Variants in DPH6 observed in about 807,000 individuals in gnomAD.
The protein encoded by DPH6 is diphthamine biosynthesis 6.
In DPH6, 33 loss-of-function variants were observed where a neutral mutation model predicts 38.2. The observed-to-expected ratio is 0.86, with a 90% CI of 0.65 to 1.15. The LOEUF is 1.15. Among genes scored for constraint, DPH6 ranks in the 50% most tolerant of loss-of-function variants. The probability of loss-of-function intolerance (pLI) is 0.00; values close to 1 mark genes in which losing one functional copy is unlikely to be tolerated. For missense variants in DPH6, 325 were observed against 320.0 expected, an observed-to-expected ratio of 1.02 and a Z score of -0.12; for synonymous variants, 108 against 103.0, an observed-to-expected ratio of 1.05 and a Z score of -0.30.
intron 4 of DPH6, among the ~76,000 whole-genome samples, chr15:35,451,882 C>T (rs947828214): frequency 2.0e-5 from 3 of 152,088 alleles, no homozygotes; most frequent in African/African-American, 7.2e-5. Flanking sequence ...TGGTGGCGGG[C>T]GCCTGTGGTC....
At chr15:35,257,063 A>C (rs1047126247) in intron 3 of DPH6, among the ~76,000 whole-genome samples, 1 of 152,176 alleles carries the variant, frequency 6.6e-6, no homozygotes, top group East Asian at 1.9e-4. Context: ...TGGGGAAAAG[A>C]ATGGCATCAT....
At chr15:35,444,304 T>C (rs2053823726) in intron 5 of DPH6, among the ~76,000 whole-genome samples, 1 of 152,202 alleles carries the variant, frequency 6.6e-6, no homozygotes, top group South Asian at 2.1e-4. Flanking sequence ...CAGGATAACA[T>C]AATGTCATTC....
intron 1 of DPH6, among the ~76,000 whole-genome samples, chr15:35,543,016 A>G (rs2055285067): frequency 1.4e-5 from 2 of 139,558 alleles, no homozygotes; most frequent in Admixed American, 7.3e-5. Context: ...TCTCTATGAG[A>G]AAGTAAAAAA....
At chr15:35,211,169 A>C in the DPH6 span, among the ~76,000 whole-genome samples, 849 of 152,190 alleles carry the variant, frequency 5.6e-3, 6 homozygotes, top group African/African-American at 0.019. Flanking sequence ...AAGAGTAAAC[A>C]CATGAACTAT....
chr15:35,150,008 TG>T, the DPH6 span, among the ~76,000 whole-genome samples: 363 of 152,326 alleles, frequency 2.4e-3, 1 homozygote, highest in African/African-American at 8.2e-3. Flanking sequence ...TTCTGCTCCA[TG>T]GCCCACACAT....
chr15:35,473,747 T>C lies in DPH6; in HGVS notation c.313-18927A>G, dbSNP rs573527046. ...GGACATTCATGGTAATAGCAAAAGA[T>C]TGGGTACAACCTAAATGCTCCTCAG... On this transcript the variant is annotated intron_variant, in intron 3 of 8. Coordinates refer to ENST00000256538, the MANE Select transcript of DPH6 (RefSeq NM_080650.4). Among the ~76,000 whole-genome samples the C allele has an allele frequency of 7.0e-4, 107 of 152,150 alleles. 2 individuals are homozygous for C. In the Middle Eastern group the frequency reaches 0.01, roughly 15 times the overall value.
chr15:35,336,676 A>G (rs1319861198), intron 3 of DPH6, among the ~76,000 whole-genome samples: 14 of 152,148 alleles, frequency 9.2e-5, no homozygotes, highest in Non-Finnish European at 1.9e-4. Context: ...ATTTTGTCAA[A>G]GGCCTTTTCT....
At chr15:35,372,596 AAT>A (rs2052727966) in intron 8 of DPH6, among the ~76,000 whole-genome samples, 1 of 151,912 alleles carries the variant, frequency 6.6e-6, no homozygotes, top group African/African-American at 2.4e-5. Flanking sequence ...AAAGGTCACC[AAT>A]AGTCATCATC....
intron 3 of DPH6, among the ~76,000 whole-genome samples, chr15:35,281,957 TAG>T (rs937782089): frequency 6.6e-6 from 1 of 152,214 alleles, no homozygotes; most frequent in African/African-American, 2.4e-5. Flanking sequence ...CAGTTAGTAA[TAG>T]AACAACTACA....
intron 6 of DPH6, among the ~76,000 whole-genome samples, chr15:35,393,011 A>C (rs1750812130): frequency 6.6e-6 from 1 of 152,216 alleles, no homozygotes; most frequent in Non-Finnish European, 1.5e-5. Flanking sequence ...CAGGTCTTAC[A>C]CGGCTTCATA....
At chr15:35,248,684 A>G (rs2051651756) in intron 3 of DPH6, among the ~76,000 whole-genome samples, 1 of 152,228 alleles carries the variant, frequency 6.6e-6, no homozygotes, top group African/African-American at 2.4e-5. Context: ...TGCTTTTGTC[A>G]GTCTGTCTTT....
At chr15:35,243,272 CT>C (rs2051612960) in intron 3 of DPH6, among the ~76,000 whole-genome samples, 1 of 142,330 alleles carries the variant, frequency 7.0e-6, no homozygotes, top group African/African-American at 2.6e-5. Context: ...CACGCCGCCC[CT>C]AATACCGCTT....
intron 3 of DPH6, among the ~76,000 whole-genome samples, chr15:35,360,442 G>A (rs2052604276): frequency 6.6e-6 from 1 of 152,182 alleles, no homozygotes; most frequent in South Asian, 2.1e-4. Context: ...TAATAGGCAT[G>A]GCTCCTACTA....
chr15:35,377,942 T>A (rs2052803492), intron 7 of DPH6, among the ~76,000 whole-genome samples: 1 of 152,000 alleles, frequency 6.6e-6, no homozygotes, highest in African/African-American at 2.4e-5. Context: ...CAATTATAGA[T>A]GACTGCAGTC....
rs1225258536 is a variant in DPH6, at chr15:35,265,542, T to G, written n.201-44960A>C. 2.6e-5 allele frequency among the ~76,000 whole-genome samples: 4 copies of G among 152,166 alleles called. No homozygotes were observed. In the East Asian group the frequency reaches 7.7e-4, roughly 29 times the overall value. ...GTGAATCTTAACACTGCTCTCTCCA[T>G]CTGCAAGAGTCCTCCTCTGCTACAC... is the stretch of plus-strand genomic sequence containing the variant. On this transcript the variant is annotated intron_variant and non_coding_transcript_variant, in intron 3 of 3. Transcript: ENST00000560386.
rs542896990 is a variant in DPH6, at chr15:35,443,093, T to A, written c.505+7592A>T. Among the ~76,000 whole-genome samples, 77 of 152,332 alleles carry A rather than the reference T, an allele frequency of 5.1e-4. 2 individuals are homozygous for A. The South Asian group carries it at 0.016, about 31-fold the overall frequency. On this transcript the variant is annotated intron_variant, in intron 5 of 8. Transcript: ENST00000256538. ...GGAATGTGTAGTCATAGTAGCTATA[T>A]GCTCAGACAATACAGATAAAAAGAT... is the stretch of plus-strand genomic sequence containing the variant.
intron 3 of DPH6, among the ~76,000 whole-genome samples, chr15:35,498,056 T>C (rs1275297586): frequency 6.6e-6 from 1 of 152,194 alleles, no homozygotes; most frequent in Non-Finnish European, 1.5e-5. Context: ...TTTCAATAGG[T>C]TGAGCAGACT....
intron 3 of DPH6, among the ~76,000 whole-genome samples, chr15:35,246,377 GT>G (rs1184258351): frequency 6.6e-6 from 1 of 152,104 alleles, no homozygotes; most frequent in Non-Finnish European, 1.5e-5. Flanking sequence ...TGTTAATTTT[GT>G]TTTTCCACAT....
At chr15:35,234,849 G>T (rs1019736016) in intron 3 of DPH6, among the ~76,000 whole-genome samples, 1 of 152,206 alleles carries the variant, frequency 6.6e-6, no homozygotes, top group African/African-American at 2.4e-5. Context: ...ACAGCTTATG[G>T]CAATGAGGAG....
Sources: gnomAD v4.1 joint callset for allele counts (sites outside exome capture counted in the v4.1 genomes callset) on GRCh38, gnomAD v4.1.1 for gene constraint, MANE v1.5 for transcripts, NCBI Gene and HGNC (gene_info 2026-07-23, HGNC 2026-07-21) for gene names.